The following ABCC4 variants were observed in gnomAD, a reference collection of about 807,000 sequenced individuals.
ABCC4 encodes the protein ATP-binding cassette sub-family C member 4.
In ABCC4, 102 loss-of-function variants were observed where a neutral mutation model predicts 168.5. The ratio of observed to expected loss-of-function variants is 0.61; its 90% CI spans 0.52 to 0.71. The LOEUF is 0.71. Ranked by LOEUF, ABCC4 falls within the 30% of genes least tolerant of loss-of-function variation. The pLI is 0.00. For synonymous variants in ABCC4, 617 were observed against 590.7 expected (o/e 1.04, Z -0.65); for missense variants, 1,402 against 1,605.8 (o/e 0.87, Z 2.17).
chr13:95,289,038 G>A (rs1013940682), intron 1 of ABCC4, among the ~76,000 whole-genome samples: 2 of 152,086 alleles, frequency 1.3e-5, no homozygotes, highest in African/African-American at 4.8e-5. Flanking sequence ...AAAACAAGAT[G>A]GATACCTTTC....
chr13:95,033,219 T>C (rs2031964223), intron 30 of ABCC4, among the ~76,000 whole-genome samples: 2 of 152,148 alleles, frequency 1.3e-5, no homozygotes, highest in African/African-American at 4.8e-5. Flanking sequence ...ATATTTAAAA[T>C]ATTACACACA....
chr13:95,048,827 G>A (rs745993091), intron 27 of ABCC4, among the ~76,000 whole-genome samples: 2 of 152,096 alleles, frequency 1.3e-5, no homozygotes. Context: ...CAGAAATAAC[G>A]TGCTGCTGAT....
chr13:95,031,470 G>A (rs1421132658), intron 30 of ABCC4, among the ~76,000 whole-genome samples: 2 of 152,212 alleles, frequency 1.3e-5, no homozygotes, highest in East Asian at 3.8e-4. Context: ...GTGTCCACAT[G>A]AAGACACATG....
At chr13:95,058,218 T>A (rs1330559121) in intron 26 of ABCC4, among the ~76,000 whole-genome samples, 1 of 152,220 alleles carries the variant, frequency 6.6e-6, no homozygotes, top group Non-Finnish European at 1.5e-5. Context: ...AAATGACAGA[T>A]AAAGTTCAAA....
chr13:95,097,597 T>C (rs1424555247), intron 20 of ABCC4, among the ~76,000 whole-genome samples: 1 of 117,326 alleles, frequency 8.5e-6, no homozygotes, highest in Non-Finnish European at 2.1e-5. Context: ...ACATTCTTTT[T>C]TTTTTTTTTT....
chr13:95,025,283 CCCCACA>C (rs2031416733), intron 30 of ABCC4, among the ~76,000 whole-genome samples: 1 of 80,094 alleles, frequency 1.2e-5, no homozygotes, highest in African/African-American at 5.7e-5. Flanking sequence ...CCACACACAC[CCCCACA>C]CACACCCACA....
At position 95,030,006 on chromosome 13, in the gene ABCC4, T is replaced by TCCATCCAC. The variant is rs2031795159; in HGVS notation, c.3870+4598_3870+4599insGTGGATGG. ...GTCTATCTATCCATCCATCCATCCA[T>TCCATCCAC]CCATCCATCCATCCATCCATCCATA... On this transcript the variant is annotated intron_variant, in intron 30 of 30. Transcript: ENST00000645237. Among the ~76,000 whole-genome samples the TCCATCCAC allele has an allele frequency of 1.3e-5, 2 of 151,166 alleles. 1 individual carries two copies. Among genetic ancestry groups the TCCATCCAC allele is most frequent in the East Asian group, 3.9e-4 (2 of 5,114 alleles).
intron 1 of ABCC4, 74 bp downstream of exon 1, chr13:95,301,167 G>T: frequency 7.1e-7 from 1 of 1,404,398 alleles, no homozygotes; most frequent in South Asian, 1.3e-5. Flanking sequence ...GGGCAGCATC[G>T]GGCGCGGCCC....
At chr13:95,071,178 C>T (rs1012736187) in intron 25 of ABCC4, among the ~76,000 whole-genome samples, 1 of 152,136 alleles carries the variant, frequency 6.6e-6, no homozygotes, top group Non-Finnish European at 1.5e-5. Context: ...AACTTTAAGT[C>T]CATTAAACCT....
At chr13:95,116,491 A>G (rs1228275701) in intron 19 of ABCC4, among the ~76,000 whole-genome samples, 1 of 152,038 alleles carries the variant, frequency 6.6e-6, no homozygotes, top group African/African-American at 2.4e-5. Flanking sequence ...TGTACCTCAC[A>G]TTTTTGGGGA....
intron 20 of ABCC4, among the ~76,000 whole-genome samples, chr13:95,087,958 T>G (rs1371412022): frequency 6.6e-6 from 1 of 152,224 alleles, no homozygotes; most frequent in Non-Finnish European, 1.5e-5. Context: ...ACAAACATTC[T>G]CTAAGCTTTT....
intron 29 of ABCC4, among the ~76,000 whole-genome samples, chr13:95,037,664 A>G (rs988671407): frequency 1.3e-5 from 2 of 152,196 alleles, no homozygotes; most frequent in African/African-American, 4.8e-5. Context: ...GAAGTAAAAT[A>G]TGGGCAATGA....
At chr13:95,217,459 C>G (rs1027687819) in intron 4 of ABCC4, among the ~76,000 whole-genome samples, 1 of 152,130 alleles carries the variant, frequency 6.6e-6, no homozygotes, top group South Asian at 2.1e-4. Flanking sequence ...CGGCTGGGCA[C>G]GGTGGCTCAT....
intron 20 of ABCC4, among the ~76,000 whole-genome samples, chr13:95,089,987 C>T (rs181294664): frequency 6.6e-6 from 1 of 152,136 alleles, no homozygotes; most frequent in Admixed American, 6.5e-5. Flanking sequence ...CAGAGGCTTG[C>T]ATGTGAACTT....
chr13:95,177,141 T>C (rs2037730518), intron 13 of ABCC4, among the ~76,000 whole-genome samples: 1 of 152,244 alleles, frequency 6.6e-6, no homozygotes. Flanking sequence ...GAAACCACAG[T>C]CTACTATGGA....
intron 20 of ABCC4, among the ~76,000 whole-genome samples, chr13:95,092,612 G>C (rs1179817786): frequency 6.6e-6 from 1 of 151,988 alleles, no homozygotes; most frequent in African/African-American, 2.4e-5. Flanking sequence ...TTAAACACCT[G>C]CATTGAAAAA....
At chr13:95,085,162 G>A (rs2034216627) in intron 20 of ABCC4, among the ~76,000 whole-genome samples, 2 of 152,198 alleles carry the variant, frequency 1.3e-5, no homozygotes, top group African/African-American at 2.4e-5. Flanking sequence ...GGAGAGGCCA[G>A]TTGTGGTGGC....
chr13:95,056,004 C>T (rs1053136498), intron 26 of ABCC4: 3 of 152,112 alleles, frequency 2.0e-5, no homozygotes, highest in Non-Finnish European at 2.9e-5. Context: ...CTGAAAATTA[C>T]AGTCTTCCTA....
chr13:95,286,743 G>A (rs1406996246), intron 1 of ABCC4, among the ~76,000 whole-genome samples: 1 of 151,910 alleles, frequency 6.6e-6, no homozygotes, highest in African/African-American at 2.4e-5. Flanking sequence ...GATCACCTGA[G>A]GTCAGGAGTT....
Sources: allele counts gnomAD v4.1 joint callset (sites outside exome capture counted in the v4.1 genomes callset), GRCh38; gene constraint gnomAD v4.1.1; transcripts MANE v1.5; gene names NCBI Gene and HGNC (gene_info 2026-07-23, HGNC 2026-07-21).